CNTN5: variants seen among roughly 807,000 people sequenced by gnomAD.
CNTN5 encodes the protein contactin-5.
CNTN5 carries 77 observed loss-of-function variants against 129.1 expected under a neutral mutation model. The ratio of observed to expected loss-of-function variants is 0.60; its 90% CI spans 0.50 to 0.72. CNTN5 has a LOEUF of 0.72. CNTN5 is among the 30% of genes least tolerant of loss of function. The probability of loss-of-function intolerance (pLI) is 0.00; values close to 1 mark genes in which losing one functional copy is unlikely to be tolerated. For missense variants in CNTN5, 1,478 were observed against 1,328.8 expected (o/e 1.11, Z -1.75); for synonymous variants, 509 against 465.6 (o/e 1.09, Z -1.20).
chr11:100,251,199 T>A (rs1393568057), intron 16 of CNTN5, among the ~76,000 whole-genome samples: 3 of 152,174 alleles, frequency 2.0e-5, no homozygotes, highest in African/African-American at 7.2e-5. Context: ...CTGTCATGAT[T>A]TTAGCAGCTG....
chr11:99,248,216 T>C (rs1861917595), intron 1 of CNTN5, among the ~76,000 whole-genome samples: 1 of 152,212 alleles, frequency 6.6e-6, no homozygotes, highest in Non-Finnish European at 1.5e-5. Context: ...TGGCCAGTGA[T>C]GATGAGCATT....
chr11:99,363,538 T>C (rs1414775586), intron 2 of CNTN5, among the ~76,000 whole-genome samples: 2 of 152,102 alleles, frequency 1.3e-5, no homozygotes, highest in Admixed American at 6.6e-5. Flanking sequence ...CTAGCAGTCA[T>C]GATGAAGGAC....
intron 3 of CNTN5, among the ~76,000 whole-genome samples, chr11:99,774,459 C>G (rs1272199499): frequency 6.7e-6 from 1 of 148,874 alleles, no homozygotes; most frequent in African/African-American, 2.5e-5. Context: ...CAACTTTAAT[C>G]GAGCCCAATT....
chr11:100,050,225 C>A (rs1459949342), intron 9 of CNTN5, among the ~76,000 whole-genome samples: 4 of 152,050 alleles, frequency 2.6e-5, no homozygotes, highest in African/African-American at 9.7e-5. Context: ...GGAACCAACC[C>A]AAATGTCCAA....
intron 4 of CNTN5, among the ~76,000 whole-genome samples, chr11:99,839,423 A>T (rs73557536): frequency 0.041 from 6,272 of 152,024 alleles, 170 homozygotes; most frequent in South Asian, 0.1. Context: ...ATATATATAT[A>T]TTTTTTTCAA....
At chr11:99,580,574 G>C (rs960634676) in intron 3 of CNTN5, among the ~76,000 whole-genome samples, 7 of 152,008 alleles carry the variant, frequency 4.6e-5, no homozygotes, top group African/African-American at 1.7e-4. Flanking sequence ...TGTATGTGCC[G>C]AGGAATTTAT....
intron 2 of CNTN5, among the ~76,000 whole-genome samples, chr11:99,478,485 A>T (rs902242839): frequency 2.0e-5 from 3 of 152,134 alleles, no homozygotes; most frequent in Non-Finnish European, 4.4e-5. Context: ...TTTGCCTAGA[A>T]ATAAGTTTCT....
intron 21 of CNTN5, among the ~76,000 whole-genome samples, chr11:100,332,098 CAAGAA>C (rs1272239849): frequency 6.6e-6 from 1 of 151,766 alleles, no homozygotes; most frequent in African/African-American, 2.4e-5. Context: ...CATGATTAAA[CAAGAA>C]AAGAAGAGAG....
intron 18 of CNTN5, among the ~76,000 whole-genome samples, chr11:100,281,452 G>T (rs1232669962): frequency 6.6e-6 from 1 of 152,040 alleles, no homozygotes; most frequent in Non-Finnish European, 1.5e-5. Context: ...AAAGTCTGCT[G>T]CCAGACATAT....
At chr11:99,359,450 C>T (rs1938943833) in intron 2 of CNTN5, among the ~76,000 whole-genome samples, 1 of 152,022 alleles carries the variant, frequency 6.6e-6, no homozygotes, top group African/African-American at 2.4e-5. Flanking sequence ...GGGACACAAA[C>T]ATTCAGACCA....
intron 2 of CNTN5, among the ~76,000 whole-genome samples, chr11:99,337,766 A>G (rs1483101222): frequency 2.6e-5 from 4 of 152,138 alleles, no homozygotes; most frequent in Non-Finnish European, 5.9e-5. Context: ...ACTATCTATT[A>G]TTTTCCACTT....
At chr11:99,879,190 G>A (rs963828251) in intron 6 of CNTN5, among the ~76,000 whole-genome samples, 1 of 151,924 alleles carries the variant, frequency 6.6e-6, no homozygotes, top group Admixed American at 6.6e-5. Flanking sequence ...CACCCACCTC[G>A]GCCTCCCAAA....
chr11:99,994,635 A>G (rs1939330826), intron 8 of CNTN5, among the ~76,000 whole-genome samples: 1 of 152,206 alleles, frequency 6.6e-6, no homozygotes, highest in South Asian at 2.1e-4. Flanking sequence ...GTGTCATCAG[A>G]TTAACAGGTA....
At chr11:99,302,224 G>A (rs930970585) in intron 1 of CNTN5, among the ~76,000 whole-genome samples, 4 of 151,384 alleles carry the variant, frequency 2.6e-5, no homozygotes, top group Non-Finnish European at 5.9e-5. Context: ...AAATATTAAA[G>A]CTGAAAAGTA....
chr11:99,323,842 T>C (rs1276894670), intron 1 of CNTN5, among the ~76,000 whole-genome samples: 1 of 151,796 alleles, frequency 6.6e-6, no homozygotes, highest in Non-Finnish European at 1.5e-5. Context: ...TGTAAAATTG[T>C]TACAATATTA....
At chr11:99,023,397 A>T (rs554634873) in intron 1 of CNTN5, among the ~76,000 whole-genome samples, 1 of 152,284 alleles carries the variant, frequency 6.6e-6, no homozygotes, top group African/African-American at 2.4e-5. Context: ...TAGAGGTAGG[A>T]GTGTGATTGT....
chr11:99,792,754 C>T (rs1355239800), intron 3 of CNTN5, among the ~76,000 whole-genome samples: 1 of 152,006 alleles, frequency 6.6e-6, no homozygotes, highest in Non-Finnish European at 1.5e-5. Flanking sequence ...TCTGCCTGGT[C>T]CTGGGCATTC....
At chr11:99,646,643 C>T (rs902264423) in intron 3 of CNTN5, among the ~76,000 whole-genome samples, 2 of 151,964 alleles carry the variant, frequency 1.3e-5, no homozygotes, top group Non-Finnish European at 2.9e-5. Context: ...TTTGAGAGCT[C>T]TTTAAGGAAA....
chr11:99,114,650 AG>A (rs1857956716), intron 1 of CNTN5, among the ~76,000 whole-genome samples: 1 of 152,212 alleles, frequency 6.6e-6, no homozygotes, highest in African/African-American at 2.4e-5. Context: ...TTTTTTAAAA[AG>A]TAAAATAGGC....
Sources: gnomAD v4.1 joint callset for allele counts (sites outside exome capture counted in the v4.1 genomes callset) on GRCh38, gnomAD v4.1.1 for gene constraint, MANE v1.5 for transcripts, NCBI Gene and HGNC (gene_info 2026-07-23, HGNC 2026-07-21) for gene names.